Variants in AUTS2 observed in about 807,000 individuals in gnomAD.
AUTS2 encodes the protein activator of transcription and developmental regulator AUTS2, also known as autism susceptibility gene 2 protein.
In AUTS2, 17 loss-of-function variants were observed where a neutral mutation model predicts 112.4. That is an observed-to-expected ratio of 0.15 (90% CI 0.10 to 0.23). The LOEUF (loss-of-function observed/expected upper bound fraction) is 0.23. Ranked by LOEUF, AUTS2 falls within the 10% of genes least tolerant of loss-of-function variation. The pLI is 1.00. For missense variants in AUTS2, 1,510 were observed against 1,701.6 expected, an observed-to-expected ratio of 0.89 and a Z score of 1.98; for synonymous variants, 751 against 702.7, an observed-to-expected ratio of 1.07 and a Z score of -1.09.
In AUTS2 at chr7:70,792,979, A is replaced by G. The variant is rs1792065214; in HGVS notation, c.*1983A>G. 6.6e-6 allele frequency: 1 copy of G among 152,602 alleles called. No individual in the cohort carries two copies. Among genetic ancestry groups the G allele is most frequent in the Admixed American group, 6.5e-5 (1 of 15,280 alleles). 9.5% of individuals were successfully genotyped at this position (152,602 alleles called of 1,614,324 possible). The stretch of plus-strand genomic sequence containing the variant: ...GAAACACCTCGAACCCAGCCCGTGT[A>G]AGAACAGAAGGCTCACCTGCAGTGG... On this transcript the variant is annotated 3_prime_UTR_variant, in exon 19 of 19. Coordinates refer to ENST00000342771, the MANE Select transcript of AUTS2 (RefSeq NM_015570.4).
intron 2 of AUTS2, among the ~76,000 whole-genome samples, chr7:69,975,557 G>T (rs985903098): frequency 6.6e-6 from 1 of 151,304 alleles, no homozygotes; most frequent in Non-Finnish European, 1.5e-5. Context: ...TTGTTTGTTT[G>T]TTTTGTTTTT....
At position 70,771,601 on chromosome 7, in the gene AUTS2, C is replaced by G. The variant is rs768440944; in HGVS notation, c.1787C>G (p.Pro596Arg). The G allele has an allele frequency of 1.2e-6, 2 of 1,613,846 alleles. No individual in the cohort carries two copies. The highest frequency in any genetic ancestry group is 1.7e-6 in the Non-Finnish European group (2 of 1,179,780). The stretch of plus-strand genomic sequence containing the variant: ...TCGGGCATCCCCCCTATGATCCCAC[C>G]CACTGGCCCTTTTGGTTCACTACAA... ...AVSGIPPMIP[P>R]TGPFGSLQGA... Residue 596 changes from proline to arginine, a missense_variant, in exon 11 of 19, where the codon CCC becomes CGC. Coordinates refer to ENST00000342771, the MANE Select transcript of AUTS2 (RefSeq NM_015570.4).
chr7:70,103,760 A>T (rs1396574503), intron 2 of AUTS2, among the ~76,000 whole-genome samples: 1 of 151,904 alleles, frequency 6.6e-6, no homozygotes. Flanking sequence ...ACAAAAAAAA[A>T]TTAGCCGGGC....
At chr7:70,140,458 C>T (rs1350141780) in intron 4 of AUTS2, among the ~76,000 whole-genome samples, 1 of 152,076 alleles carries the variant, frequency 6.6e-6, no homozygotes, top group Non-Finnish European at 1.5e-5. Flanking sequence ...TATAAGATTT[C>T]TTAGGGGTTT....
intron 2 of AUTS2, among the ~76,000 whole-genome samples, chr7:70,010,754 G>T (rs548387700): frequency 6.6e-6 from 1 of 152,166 alleles, no homozygotes; most frequent in South Asian, 2.1e-4. Flanking sequence ...TCAATCTAAA[G>T]ATCTGAAATT....
At chr7:70,777,880 G>A (rs1790809170) in intron 14 of AUTS2, among the ~76,000 whole-genome samples, 1 of 152,166 alleles carries the variant, frequency 6.6e-6, no homozygotes, top group Admixed American at 6.5e-5. Flanking sequence ...TTGGGTTTTT[G>A]TAAAAATAGT....
At chr7:70,101,524 G>A (rs949829795) in intron 2 of AUTS2, among the ~76,000 whole-genome samples, 7 of 151,890 alleles carry the variant, frequency 4.6e-5, no homozygotes, top group African/African-American at 1.2e-4. Flanking sequence ...GTGAAACACC[G>A]TCTTTACTAA....
chr7:70,305,260 A>G (rs142143457), intron 4 of AUTS2, among the ~76,000 whole-genome samples: 65 of 152,152 alleles, frequency 4.3e-4, no homozygotes, highest in African/African-American at 1.5e-3. Context: ...GCCCTCTCAG[A>G]GTGTTTTGTA....
At chr7:69,637,814 A>T (rs1794618409) in intron 1 of AUTS2, among the ~76,000 whole-genome samples, 1 of 152,152 alleles carries the variant, frequency 6.6e-6, no homozygotes, top group African/African-American at 2.4e-5. Context: ...GGCCTTGGAG[A>T]GGCTGTTATA....
chr7:70,063,689 G>T (rs1305370714), intron 2 of AUTS2, among the ~76,000 whole-genome samples: 1 of 152,164 alleles, frequency 6.6e-6, no homozygotes, highest in Non-Finnish European at 1.5e-5. Context: ...CTGAGTTTTT[G>T]TTAGGCCCTT....
At chr7:70,755,602 A>G (rs75288158) in intron 6 of AUTS2, among the ~76,000 whole-genome samples, 3,089 of 152,026 alleles carry the variant, frequency 0.02, 114 homozygotes, top group African/African-American at 0.07. Flanking sequence ...GAGGTGAGGC[A>G]GAGGCTGCAG....
At chr7:70,689,389 G>T (rs1033726211) in intron 5 of AUTS2, among the ~76,000 whole-genome samples, 3 of 151,198 alleles carry the variant, frequency 2.0e-5, no homozygotes, top group Non-Finnish European at 4.4e-5. Flanking sequence ...TCAGAAAAAA[G>T]AAAAAGAAAC....
intron 2 of AUTS2, among the ~76,000 whole-genome samples, chr7:69,966,720 T>C (rs1438208145): frequency 3.3e-5 from 5 of 152,164 alleles, no homozygotes; most frequent in Non-Finnish European, 7.3e-5. Flanking sequence ...CTCACATCCA[T>C]GTATGCTCAA....
intron 4 of AUTS2, among the ~76,000 whole-genome samples, chr7:70,353,566 T>A (rs1263600784): frequency 6.6e-6 from 1 of 152,166 alleles, no homozygotes; most frequent in African/African-American, 2.4e-5. Flanking sequence ...TGATCCGATC[T>A]TTCTCCTTCC....
At chr7:69,732,805 T>C (rs776467096) in intron 1 of AUTS2, among the ~76,000 whole-genome samples, 6 of 152,246 alleles carry the variant, frequency 3.9e-5, no homozygotes, top group Non-Finnish European at 7.3e-5. Context: ...TATCTTTGAA[T>C]AGTCAAAGAA....
chr7:69,625,280 T>C (rs1326815772), intron 1 of AUTS2, among the ~76,000 whole-genome samples: 1 of 152,204 alleles, frequency 6.6e-6, no homozygotes, highest in Non-Finnish European at 1.5e-5. Flanking sequence ...TACTGTCAGA[T>C]GTGGAAGCCA....
At chr7:70,496,022 C>CACACA (rs1225574835) in intron 5 of AUTS2, among the ~76,000 whole-genome samples, 1 of 114,514 alleles carries the variant, frequency 8.7e-6, no homozygotes, top group Non-Finnish European at 1.9e-5. Flanking sequence ...CACACACACC[C>CACACA]CCCCCACACA....
At chr7:70,783,198 T>G (rs933170116) in intron 15 of AUTS2, 1 of 152,206 alleles carries the variant, frequency 6.6e-6, no homozygotes, top group Non-Finnish European at 1.5e-5. Flanking sequence ...TGGCCAAAAT[T>G]TTATTTAGCT....
At chr7:69,722,758 G>A (rs2129217761) in intron 1 of AUTS2, among the ~76,000 whole-genome samples, 1 of 152,196 alleles carries the variant, frequency 6.6e-6, no homozygotes, top group East Asian at 1.9e-4. Context: ...AACAAAGTAT[G>A]CTGCTTGGGA....
Sources: allele counts gnomAD v4.1 joint callset (sites outside exome capture counted in the v4.1 genomes callset), GRCh38; gene constraint gnomAD v4.1.1; transcripts MANE v1.5; gene names NCBI Gene and HGNC (gene_info 2026-07-23, HGNC 2026-07-21).